Variants in ST18 observed in about 807,000 individuals in gnomAD.
ST18 encodes the protein suppression of tumorigenicity 18 protein.
In ST18, 50 loss-of-function variants were observed where a neutral mutation model predicts 110.0. The observed-to-expected ratio is 0.45, with a 90% CI of 0.36 to 0.58. The LOEUF is 0.58. Among genes scored for constraint, ST18 ranks in the 20% least tolerant of loss-of-function variants. The pLI is 0.00. For synonymous variants in ST18, 461 were observed against 452.4 expected, an observed-to-expected ratio of 1.02 and a Z score of -0.24; for missense variants, 1,306 against 1,280.1, an observed-to-expected ratio of 1.02 and a Z score of -0.31.
At chr8:52,252,109 A>C (rs903911122) in intron 2 of ST18, among the ~76,000 whole-genome samples, 1 of 152,124 alleles carries the variant, frequency 6.6e-6, no homozygotes, top group African/African-American at 2.4e-5. Context: ...TATATTTAAT[A>C]GCTATAAATT....
intron 2 of ST18, among the ~76,000 whole-genome samples, chr8:52,347,015 TAAGAA>T (rs1485153564): frequency 3.9e-5 from 6 of 152,224 alleles, no homozygotes; most frequent in South Asian, 2.1e-4. Flanking sequence ...AAAAGGTGTG[TAAGAA>T]AAGAGTTCAT....
intron 2 of ST18, among the ~76,000 whole-genome samples, chr8:52,288,918 C>T (rs879550628): frequency 1.3e-5 from 2 of 152,018 alleles, no homozygotes; most frequent in Non-Finnish European, 2.9e-5. Context: ...TTTGCTGACT[C>T]CACCACTAGC....
At chr8:52,228,170 T>G (rs933299297) in intron 3 of ST18, among the ~76,000 whole-genome samples, 12 of 152,190 alleles carry the variant, frequency 7.9e-5, no homozygotes, top group Non-Finnish European at 1.3e-4. Context: ...AGAGCAAGTG[T>G]GAAGTGTAAT....
chr8:52,373,731 A>G (rs955308241), intron 2 of ST18, among the ~76,000 whole-genome samples: 8 of 152,152 alleles, frequency 5.3e-5, no homozygotes, highest in Non-Finnish European at 8.8e-5. Context: ...ACATTATAAT[A>G]CATTTCTTAT....
At chr8:52,179,557 A>G (rs550902579) in intron 9 of ST18, among the ~76,000 whole-genome samples, 8 of 152,316 alleles carry the variant, frequency 5.3e-5, no homozygotes, top group African/African-American at 1.9e-4. Context: ...GCATTTATTC[A>G]AAAATATTAA....
intron 2 of ST18, among the ~76,000 whole-genome samples, chr8:52,322,254 AT>A (rs1472902695): frequency 6.6e-6 from 1 of 152,142 alleles, no homozygotes; most frequent in Non-Finnish European, 1.5e-5. Flanking sequence ...TACAATTCTC[AT>A]TTTTACCACA....
intron 2 of ST18, among the ~76,000 whole-genome samples, chr8:52,267,322 G>A (rs1386536910): frequency 6.6e-6 from 1 of 151,936 alleles, no homozygotes; most frequent in Non-Finnish European, 1.5e-5. Context: ...CCGGGAATAT[G>A]TAGGAGTACG....
intron 22 of ST18, among the ~76,000 whole-genome samples, chr8:52,126,688 T>C (rs1302412962): frequency 6.6e-6 from 1 of 152,260 alleles, no homozygotes; most frequent in African/African-American, 2.4e-5. Context: ...TTAATTTTTT[T>C]CTTTAACTTT....
At chr8:52,114,547 G>A (rs1044093037) in intron 25 of ST18, among the ~76,000 whole-genome samples, 6 of 151,738 alleles carry the variant, frequency 4.0e-5, no homozygotes, top group African/African-American at 1.5e-4. Flanking sequence ...TAAATTTGAA[G>A]CTATTTGTTG....
chr8:52,203,931 C>A (rs1453427475), intron 8 of ST18, among the ~76,000 whole-genome samples: 2 of 152,150 alleles, frequency 1.3e-5, no homozygotes, highest in Non-Finnish European at 2.9e-5. Context: ...CAGATTTTGT[C>A]AGAGACATGT....
intron 2 of ST18, among the ~76,000 whole-genome samples, chr8:52,295,683 G>A (rs887331174): frequency 1.8e-4 from 26 of 147,836 alleles, no homozygotes; most frequent in Admixed American, 1.4e-4. Flanking sequence ...ATTTTGAGGC[G>A]CAAATGAAAG....
At chr8:52,188,068 A>G (rs1160443069) in intron 8 of ST18, among the ~76,000 whole-genome samples, 4 of 152,328 alleles carry the variant, frequency 2.6e-5, no homozygotes, top group Middle Eastern at 6.8e-3. Context: ...TTTATTTATC[A>G]ATGTCGTAAG....
At chr8:52,348,774 C>T (rs1217071704) in intron 2 of ST18, among the ~76,000 whole-genome samples, 1 of 152,022 alleles carries the variant, frequency 6.6e-6, no homozygotes, top group Non-Finnish European at 1.5e-5. Context: ...TTATCATGTA[C>T]AGTATGAAGT....
At chr8:52,351,977 T>C (rs1413714405) in intron 2 of ST18, among the ~76,000 whole-genome samples, 1 of 152,214 alleles carries the variant, frequency 6.6e-6, no homozygotes, top group Non-Finnish European at 1.5e-5. Flanking sequence ...CAAAAAAATT[T>C]ATATGCAAGT....
At chr8:52,212,636 G>T (rs1234097520) in intron 7 of ST18, among the ~76,000 whole-genome samples, 2 of 152,114 alleles carry the variant, frequency 1.3e-5, no homozygotes, top group African/African-American at 4.8e-5. Context: ...AGGAAAAACA[G>T]CTTTGATTTT....
At chr8:52,328,354 C>T (rs750944639) in intron 2 of ST18, among the ~76,000 whole-genome samples, 11 of 152,120 alleles carry the variant, frequency 7.2e-5, no homozygotes, top group Non-Finnish European at 1.3e-4. Flanking sequence ...CATATGGCCA[C>T]GAGGCTTAGA....
At chr8:52,179,092 A>AT (rs1206360981) in intron 9 of ST18, among the ~76,000 whole-genome samples, 4 of 152,216 alleles carry the variant, frequency 2.6e-5, no homozygotes, top group Admixed American at 6.5e-5. Flanking sequence ...GATTCCTTTA[A>AT]AATTCACATT....
At chr8:52,116,156 T>C (rs2130410753) in intron 25 of ST18, 119 bp downstream of exon 25, 2 of 1,080,464 alleles carry the variant, frequency 1.9e-6, no homozygotes, top group East Asian at 2.5e-5. Context: ...TGAAGTGTGG[T>C]CACTCTGTGA....
intron 2 of ST18, among the ~76,000 whole-genome samples, chr8:52,288,584 C>T (rs2095505245): frequency 6.6e-6 from 1 of 151,548 alleles, no homozygotes; most frequent in Non-Finnish European, 1.5e-5. Flanking sequence ...CCTATAATCC[C>T]AGCTACTTGG....
Sources: allele counts gnomAD v4.1 joint callset (sites outside exome capture counted in the v4.1 genomes callset), GRCh38; gene constraint gnomAD v4.1.1; transcripts MANE v1.5; gene names NCBI Gene and HGNC (gene_info 2026-07-23, HGNC 2026-07-21).